Variants in MAGI2 observed in about 807,000 individuals in gnomAD.
The protein encoded by MAGI2 is membrane-associated guanylate kinase, WW and PDZ domain-containing protein 2.
MAGI2 carries 35 observed loss-of-function variants against 133.3 expected under a neutral mutation model. The observed-to-expected ratio is 0.26, with a 90% CI of 0.20 to 0.35. The LOEUF (loss-of-function observed/expected upper bound fraction) is 0.35, where lower values mean the gene tolerates loss of function less well. Ranked by LOEUF, MAGI2 falls within the 10% of genes least tolerant of loss-of-function variation. The probability of loss-of-function intolerance (pLI) is 1.00; values close to 1 mark genes in which losing one functional copy is unlikely to be tolerated. For missense variants in MAGI2, 1,636 were observed against 1,863.4 expected (o/e 0.88, Z 2.25); for synonymous variants, 729 against 710.6 (o/e 1.03, Z -0.41).
intron 3 of MAGI2, among the ~76,000 whole-genome samples, chr7:78,531,444 C>T (rs1797464682): frequency 6.6e-6 from 1 of 152,130 alleles, no homozygotes; most frequent in Non-Finnish European, 1.5e-5. Context: ...GATCTCTTGA[C>T]CTCGTGATCT....
intron 1 of MAGI2, among the ~76,000 whole-genome samples, chr7:79,094,376 C>A (rs1470474408): frequency 1.3e-5 from 2 of 152,168 alleles, no homozygotes; most frequent in Non-Finnish European, 2.9e-5. Flanking sequence ...GCTATTTCTA[C>A]CCCATTTGCA....
chr7:78,108,596 A>G (rs1001909345), intron 20 of MAGI2, among the ~76,000 whole-genome samples: 2 of 151,600 alleles, frequency 1.3e-5, no homozygotes, highest in African/African-American at 4.9e-5. Flanking sequence ...CTGCTGTTAT[A>G]TTGGGGTCGG....
chr7:78,379,525 C>T (rs1054066738), intron 6 of MAGI2, among the ~76,000 whole-genome samples: 3 of 151,916 alleles, frequency 2.0e-5, no homozygotes, highest in Non-Finnish European at 4.4e-5. Context: ...TATTTGTGTA[C>T]CAAATAATAT....
intron 7 of MAGI2, among the ~76,000 whole-genome samples, chr7:78,364,661 C>A (rs1793191923): frequency 6.6e-6 from 1 of 152,104 alleles, no homozygotes; most frequent in Non-Finnish European, 1.5e-5. Flanking sequence ...GAAAGCTGTC[C>A]CAGCAAATCG....
chr7:78,270,413 C>T (rs956410741), intron 9 of MAGI2, among the ~76,000 whole-genome samples: 6 of 151,194 alleles, frequency 4.0e-5, no homozygotes, highest in African/African-American at 1.5e-4. Flanking sequence ...GAATATTTTT[C>T]CATTTGTGTC....
intron 1 of MAGI2, among the ~76,000 whole-genome samples, chr7:79,339,920 A>G (rs1366325968): frequency 1.3e-5 from 2 of 152,132 alleles, no homozygotes; most frequent in Admixed American, 6.6e-5. Context: ...TTGGTTGGCC[A>G]TTTAAAAGAT....
chr7:78,763,509 G>A (rs377539083), intron 2 of MAGI2, among the ~76,000 whole-genome samples: 11 of 152,146 alleles, frequency 7.2e-5, no homozygotes, highest in Admixed American at 3.9e-4. Context: ...GGAAGGGGTT[G>A]TCTATGATAT....
At chr7:79,111,333 C>G (rs1323687188) in intron 1 of MAGI2, among the ~76,000 whole-genome samples, 2 of 152,244 alleles carry the variant, frequency 1.3e-5, no homozygotes, top group South Asian at 2.1e-4. Flanking sequence ...TCTTGACAAG[C>G]CTGATGATTT....
At chr7:79,130,154 C>CA (rs370367894) in intron 1 of MAGI2, among the ~76,000 whole-genome samples, 72,834 of 120,318 alleles carry the variant, frequency 0.61, 24,639 homozygotes, top group Non-Finnish European at 0.77. Flanking sequence ...ACTCTCTCTA[C>CA]AAAAAAAAAA....
chr7:78,772,812 G>A (rs904586689), intron 2 of MAGI2, among the ~76,000 whole-genome samples: 6 of 152,128 alleles, frequency 3.9e-5, no homozygotes, highest in African/African-American at 1.4e-4. Flanking sequence ...ATCTTCCCTC[G>A]AAAAGTAAGT....
chr7:78,029,840 C>T (rs1809378767), intron 21 of MAGI2, among the ~76,000 whole-genome samples: 1 of 152,210 alleles, frequency 6.6e-6, no homozygotes, highest in South Asian at 2.1e-4. Flanking sequence ...AGAGTTAAGA[C>T]TCCAAAGAAG....
At position 78,905,197 on chromosome 7, in the gene MAGI2, A is replaced by G. The variant is rs998522347; in HGVS notation, c.418+101893T>C. Among the ~76,000 whole-genome samples the G allele has an allele frequency of 2.6e-5, 4 of 152,234 alleles. No homozygotes were observed. In the South Asian group the frequency reaches 6.2e-4, roughly 24 times the overall value. ...ATTCCATGGTAACTACTTCTTCAGCATTTCTCAAATGCATGTATACTCTCT... is the reference window on the plus strand; with the variant it reads ...ATTCCATGGTAACTACTTCTTCAGCGTTTCTCAAATGCATGTATACTCTCT... On this transcript the variant is annotated intron_variant, in intron 2 of 21. Coordinates refer to ENST00000354212, the MANE Select transcript of MAGI2 (RefSeq NM_012301.4).
At chr7:78,659,682 GGGAT>G (rs1812720205) in intron 2 of MAGI2, among the ~76,000 whole-genome samples, 1 of 152,016 alleles carries the variant, frequency 6.6e-6, no homozygotes. Flanking sequence ...AGGACAACAT[GGGAT>G]CTTCATGATG....
intron 4 of MAGI2, among the ~76,000 whole-genome samples, chr7:78,519,606 TA>T (rs934614395): frequency 6.6e-6 from 1 of 152,146 alleles, no homozygotes; most frequent in African/African-American, 2.4e-5. Flanking sequence ...CTCCTAACCA[TA>T]AAAGCACATC....
intron 2 of MAGI2, among the ~76,000 whole-genome samples, chr7:78,913,006 T>C (rs1362802224): frequency 6.6e-6 from 1 of 151,726 alleles, no homozygotes; most frequent in Admixed American, 6.6e-5. Context: ...AGAGAAAGCA[T>C]CTGAAGCAGA....
intron 2 of MAGI2, among the ~76,000 whole-genome samples, chr7:78,925,771 T>C (rs983693280): frequency 2.0e-5 from 3 of 152,068 alleles, no homozygotes; most frequent in African/African-American, 4.8e-5. Context: ...TATAATGGCT[T>C]ATTATTATTT....
intron 8 of MAGI2, chr7:78,345,638 T>C (rs1444271107): frequency 5.6e-6 from 2 of 359,974 alleles, no homozygotes; most frequent in East Asian, 5.8e-5. Context: ...TATGAGTCTC[T>C]ATGAATCTCT....
chr7:78,476,657 C>T (rs1487736974), intron 6 of MAGI2, among the ~76,000 whole-genome samples: 10 of 151,780 alleles, frequency 6.6e-5, no homozygotes, highest in Non-Finnish European at 1.5e-4. Context: ...TCTTTGTTGT[C>T]TGAGGGCAAC....
At chr7:78,699,362 A>G (rs1563372603) in intron 2 of MAGI2, among the ~76,000 whole-genome samples, 1 of 152,112 alleles carries the variant, frequency 6.6e-6, no homozygotes. Flanking sequence ...CGGCCTCCCA[A>G]AGTGCTGGGA....
Sources: allele counts gnomAD v4.1 joint callset (sites outside exome capture counted in the v4.1 genomes callset), GRCh38; gene constraint gnomAD v4.1.1; transcripts MANE v1.5; gene names NCBI Gene and HGNC (gene_info 2026-07-23, HGNC 2026-07-21).